The following TSNARE1 variants were observed in gnomAD, a reference collection of about 807,000 sequenced individuals.
The protein encoded by TSNARE1 is t-SNARE domain containing 1, also known as t-SNARE domain-containing protein 1.
TSNARE1 carries 49 observed loss-of-function variants against 62.0 expected under a neutral mutation model. That is an observed-to-expected ratio of 0.79 (90% CI 0.63 to 1.00). The LOEUF is 1.00. Ranked by LOEUF, TSNARE1 falls within the 50% of genes least tolerant of loss-of-function variation. The pLI is 0.00. For synonymous variants in TSNARE1, 328 were observed against 294.4 expected (o/e 1.11, Z -1.17); for missense variants, 755 against 700.1 (o/e 1.08, Z -0.88).
chr8:142,331,807 A>G lies in TSNARE1; in HGVS notation c.770T>C (p.Leu257Pro), dbSNP rs1412054443. The G allele has an allele frequency of 6.2e-7, 1 of 1,609,178 alleles. No homozygotes were observed. The highest frequency in any genetic ancestry group is 1.1e-5 in the South Asian group (1 of 89,716). Residue 257 changes from leucine to proline, a missense_variant, in exon 5 of 14, where the codon CTC (leucine) becomes CCC (proline). Transcript: ENST00000524325. ...CGACATCTCCTGGAACAGCTCCTGG[A>G]GGTTGCACGGATCGACCTGGGTGGC... The part of the protein sequence containing the change: ...PRATQVDPCN[L>P]QELFQEMSAN...
Position 142,344,115 on chromosome 8 carries a change from A to G in TSNARE1, c.596T>C (p.Leu199Pro), listed in dbSNP as rs373430388. The part of the protein sequence containing the change: ...RDLRAVVRRK[L>P]GDLRKAAHGP... ...ATGGGCCGCCTTCCGGAGGTCGCCC[A>G]GCTTGCGCCGCACGACGGCTCGTAG... Residue 199 changes from leucine to proline, a missense_variant, in exon 4 of 14, where the codon CTG (leucine) becomes CCG (proline). Leu to Pro is a moderately conservative substitution (Grantham distance 98, BLOSUM62 -3). Transcript: ENST00000524325. 5 of 1,611,704 alleles carry G rather than the reference A, an allele frequency of 3.1e-6. No individual in the cohort carries two copies. The highest frequency in any genetic ancestry group is 1.3e-5 in the African/African-American group (1 of 74,888).
intron 9 of TSNARE1, among the ~76,000 whole-genome samples, chr8:142,304,552 G>C (rs1826345459): frequency 6.6e-6 from 1 of 152,208 alleles, no homozygotes; most frequent in Admixed American, 6.5e-5. Flanking sequence ...CGAGCACGAG[G>C]CTCTCCTAAG....
chr8:142,333,789 C>T (rs548418873), intron 4 of TSNARE1, among the ~76,000 whole-genome samples: 7 of 152,316 alleles, frequency 4.6e-5, no homozygotes, highest in South Asian at 2.1e-4. Flanking sequence ...CCAGGCCTCC[C>T]GGTCCAGCAG....
At chr8:142,377,488 T>C (rs2131148271) in intron 1 of TSNARE1, among the ~76,000 whole-genome samples, 1 of 152,344 alleles carries the variant, frequency 6.6e-6, no homozygotes, top group South Asian at 2.1e-4. Context: ...ACAAATTCAT[T>C]TTTAAAACAT....
At chr8:142,334,804 T>G (rs1238613463) in intron 4 of TSNARE1, among the ~76,000 whole-genome samples, 1 of 152,222 alleles carries the variant, frequency 6.6e-6, no homozygotes, top group Non-Finnish European at 1.5e-5. Context: ...GTCTTTAAAG[T>G]GCTGGACGGA....
rs1181602905 is a variant in TSNARE1 at position 142,276,404 on chromosome 8, C to A, written c.1364-1541G>T. ...TTGCCACTCAGGAGGGACCAGCCTGCCAGGGAGGAGGCGCTAGCCTGGGCC... is the reference window on the plus strand; with the variant it reads ...TTGCCACTCAGGAGGGACCAGCCTGACAGGGAGGAGGCGCTAGCCTGGGCC... On this transcript the variant is annotated intron_variant, in intron 11 of 13. Coordinates refer to ENST00000524325, the MANE Select transcript of TSNARE1 (RefSeq NM_145003.5). 4.1e-6 allele frequency: 4 copies of A among 985,482 alleles called. No individual in the cohort carries two copies. In the African/African-American group the frequency reaches 7.0e-5, roughly 17 times the overall value. The allele number at this position is 985,482 out of a possible 1,614,324, so 61.0% of individuals were successfully genotyped here.
chr8:142,400,949 T>C (rs745552887), intron 1 of TSNARE1, among the ~76,000 whole-genome samples: 1 of 152,222 alleles, frequency 6.6e-6, no homozygotes, highest in Non-Finnish European at 1.5e-5. Flanking sequence ...CAGGAGGTGC[T>C]GTGACCAGTA....
intron 12 of TSNARE1, among the ~76,000 whole-genome samples, chr8:142,255,433 ACT>A (rs1171807049): frequency 1.0e-5 from 1 of 95,648 alleles, no homozygotes; most frequent in Non-Finnish European, 2.1e-5. Context: ...CACCACCACC[ACT>A]GTCACCATCA....
In TSNARE1 at chr8:142,303,676, T is replaced by C. The variant is rs147317345; in HGVS notation, c.1132-3032A>G. On this transcript the variant is annotated intron_variant, in intron 9 of 13. Coordinates refer to ENST00000524325, the MANE Select transcript of TSNARE1 (RefSeq NM_145003.5). Reference sequence around the variant, plus strand: ...AGTGGATCTACAAACAAGCACTTCATTGCGTTTCTGGCAGAAGCCACCCCA... The same window carrying C: ...AGTGGATCTACAAACAAGCACTTCACTGCGTTTCTGGCAGAAGCCACCCCA... Among the ~76,000 whole-genome samples the C allele has an allele frequency of 2.0e-3, 308 of 152,256 alleles. 2 individuals carry two copies. The highest frequency in any genetic ancestry group is 6.9e-3 in the African/African-American group (286 of 41,540).
At chr8:142,362,812 A>C (rs1253987286) in intron 1 of TSNARE1, among the ~76,000 whole-genome samples, 1 of 152,154 alleles carries the variant, frequency 6.6e-6, no homozygotes, top group African/African-American at 2.4e-5. Flanking sequence ...ATCTCTCTCT[A>C]GCCTGCTGTG....
At chr8:142,255,974 T>C (rs1321982179) in intron 12 of TSNARE1, among the ~76,000 whole-genome samples, 7 of 51,854 alleles carry the variant, frequency 1.3e-4, no homozygotes, top group Admixed American at 7.0e-4. Context: ...ACCATCACCA[T>C]CACCACCACC....
intron 1 of TSNARE1, among the ~76,000 whole-genome samples, chr8:142,365,625 CACACACACAGAGAG>C (rs1384959232): frequency 1.3e-5 from 2 of 149,160 alleles, no homozygotes; most frequent in East Asian, 2.0e-4. Flanking sequence ...CACACACACA[CACACACACAGAGAG>C]AGAGAGGGGA....
chr8:142,344,018 G>C lies in TSNARE1; in HGVS notation c.693C>G (p.Thr231=). ...CGGAGGGCAGGGCCTGGCAAGAGAA[G>C]GTCTTGGCCACCACCTGCTCCACGG... is the stretch of plus-strand genomic sequence containing the variant. ...LTPVEQVVAK[T]FSCQALPSEG... is the part of the protein sequence containing the mutation. The change falls in exon 4 of 14, where the codon ACC becomes ACG. Residue 231 remains threonine, a synonymous_variant. Transcript: ENST00000524325. The C allele has an allele frequency of 1.9e-6, 3 of 1,561,832 alleles. No homozygotes were observed. Among genetic ancestry groups the C allele is most frequent in the Non-Finnish European group, 2.6e-6 (3 of 1,151,964 alleles).
chr8:142,220,209 A>T (rs1816145849), intron 13 of TSNARE1, among the ~76,000 whole-genome samples: 1 of 152,098 alleles, frequency 6.6e-6, no homozygotes, highest in African/African-American at 2.4e-5. Context: ...TTCATCCCTA[A>T]TGCTCAGTGG....
At chr8:142,272,934 G>T (rs1819845521) in intron 12 of TSNARE1, 1 of 985,332 alleles carries the variant, frequency 1.0e-6, no homozygotes, top group African/African-American at 1.7e-5. Context: ...TCTATGCAGA[G>T]GCAACTTCAC....
intron 12 of TSNARE1, among the ~76,000 whole-genome samples, chr8:142,251,327 G>T (rs73364667): frequency 0.01 from 1,251 of 123,700 alleles, 21 homozygotes; most frequent in African/African-American, 0.037. Flanking sequence ...TGAGAACCCC[G>T]CCCCCCTCCC....
intron 1 of TSNARE1, among the ~76,000 whole-genome samples, chr8:142,369,747 G>A (rs1351941337): frequency 6.6e-6 from 1 of 152,156 alleles, no homozygotes; most frequent in Non-Finnish European, 1.5e-5. Flanking sequence ...GGAAAAGTCA[G>A]TCAACCTGAA....
At position 142,229,507 on chromosome 8, in the gene TSNARE1, T is replaced by C. The variant is rs754496046; in HGVS notation, c.1519A>G (p.Ile507Val). Reference sequence around the variant, plus strand: ...CATCACTTTCGGACAGAGGTGGCGATGATGATGATGATGACAAGCAGGGCA... The same window carrying C: ...CATCACTTTCGGACAGAGGTGGCGACGATGATGATGATGACAAGCAGGGCA... ...VTALLVIIII[I>V]ATSVRK Residue 507 changes from isoleucine to valine, a missense_variant, in exon 13 of 14, where the codon ATC (isoleucine) becomes GTC (valine). Coordinates refer to ENST00000524325, the MANE Select transcript of TSNARE1 (RefSeq NM_145003.5). 3.1e-6 allele frequency: 5 copies of C among 1,587,708 alleles called. No individual in the cohort carries two copies. In the East Asian group the frequency reaches 1.1e-4, roughly 36 times the overall value.
chr8:142,276,736 T>C (rs1820567106), intron 11 of TSNARE1: 19 of 985,356 alleles, frequency 1.9e-5, no homozygotes, highest in Non-Finnish European at 2.2e-5. Flanking sequence ...GATCGTAGTG[T>C]GTGACCTGGA....
Sources: allele counts gnomAD v4.1 joint callset (sites outside exome capture counted in the v4.1 genomes callset), GRCh38; gene constraint gnomAD v4.1.1; transcripts MANE v1.5; gene names NCBI Gene and HGNC (gene_info 2026-07-23, HGNC 2026-07-21).